The following TMEM178B variants were observed in gnomAD, a reference collection of about 807,000 sequenced individuals.
TMEM178B encodes transmembrane protein 178B.
A neutral mutation model predicts 31.0 loss-of-function variants in TMEM178B; 5 were observed. That is an observed-to-expected ratio of 0.16 (90% confidence interval 0.08 to 0.34). The LOEUF (loss-of-function observed/expected upper bound fraction) is 0.34, where lower values mean the gene tolerates loss of function less well. TMEM178B is among the 10% of genes least tolerant of loss of function. The pLI is 1.00. For missense variants in TMEM178B, 275 were observed against 400.3 expected (o/e 0.69, Z 2.67); for synonymous variants, 164 against 164.0 (o/e 1.00, Z 0.00).
chr7:141,465,884 A>G (rs1802140809), intron 3 of TMEM178B, among the ~76,000 whole-genome samples: 1 of 152,094 alleles, frequency 6.6e-6, no homozygotes, highest in South Asian at 2.1e-4. Flanking sequence ...TTAGCTGGGC[A>G]TGGTGGCATG....
chr7:141,082,450 A>G (rs1278614156), intron 1 of TMEM178B, among the ~76,000 whole-genome samples: 1 of 152,258 alleles, frequency 6.6e-6, no homozygotes, highest in East Asian at 1.9e-4. Context: ...ACTCACCTTC[A>G]AAGAAACACA....
chr7:141,376,390 G>T (rs1376631947), intron 2 of TMEM178B, among the ~76,000 whole-genome samples: 1 of 152,092 alleles, frequency 6.6e-6, no homozygotes, highest in Admixed American at 6.6e-5. Flanking sequence ...GTTACTTTCT[G>T]GTCTAAAGAG....
intron 1 of TMEM178B, among the ~76,000 whole-genome samples, chr7:141,117,479 G>A (rs1376859369): frequency 1.3e-5 from 2 of 152,110 alleles, no homozygotes; most frequent in African/African-American, 4.8e-5. Context: ...TCTGATGATA[G>A]TTCCTTTTGT....
chr7:141,183,270 C>A (rs533361799), intron 1 of TMEM178B, among the ~76,000 whole-genome samples: 18 of 152,150 alleles, frequency 1.2e-4, no homozygotes, highest in African/African-American at 4.1e-4. Flanking sequence ...TGATCTCTGG[C>A]GGCCTTCACA....
At chr7:141,224,458 G>T (rs1476052622) in intron 2 of TMEM178B, among the ~76,000 whole-genome samples, 1 of 152,188 alleles carries the variant, frequency 6.6e-6, no homozygotes, top group African/African-American at 2.4e-5. Context: ...GGATGCCCCA[G>T]CCATTTTCGG....
chr7:141,329,692 CT>C (rs955648352), intron 2 of TMEM178B, among the ~76,000 whole-genome samples: 2 of 152,180 alleles, frequency 1.3e-5, no homozygotes, highest in African/African-American at 4.8e-5. Flanking sequence ...GAAAATCAAC[CT>C]GTGTTCCAGA....
rs904662141 is a variant in TMEM178B, at chr7:141,344,837, C to T, written c.497-92771C>T. On this transcript the variant is annotated intron_variant, in intron 2 of 3. Transcript: ENST00000565468. This position sits in a 1 kb window ranked among gnomAD's most constrained non-coding sequence, Gnocchi z 4.1. ...AGCTGTCTGTTAACTGTGGCTCTGC[C>T]ACCGGCTGGCTGTGGAAGCTGTGGG... Among the ~76,000 whole-genome samples, 4 of 152,168 alleles carry T rather than the reference C, an allele frequency of 2.6e-5. No individual in the cohort carries two copies. Among genetic ancestry groups the T allele is most frequent in the African/African-American group, 9.7e-5 (4 of 41,436 alleles).
chr7:141,241,348 T>C (rs925811240), intron 2 of TMEM178B, among the ~76,000 whole-genome samples: 5 of 151,906 alleles, frequency 3.3e-5, no homozygotes, highest in Non-Finnish European at 7.4e-5. Context: ...TCCCAGCACT[T>C]TGGGAGGCTG....
At chr7:141,335,572 G>A (rs1799370500) in intron 2 of TMEM178B, among the ~76,000 whole-genome samples, 1 of 152,138 alleles carries the variant, frequency 6.6e-6, no homozygotes, top group Non-Finnish European at 1.5e-5. Flanking sequence ...CTCATGAGAA[G>A]TTTTCATGAG....
chr7:141,166,086 T>C (rs891182771), intron 1 of TMEM178B, among the ~76,000 whole-genome samples: 1 of 152,200 alleles, frequency 6.6e-6, no homozygotes. Context: ...AAAAGCAGGC[T>C]GGATAGTCAA....
At chr7:141,353,660 T>C (rs1238292994) in intron 2 of TMEM178B, among the ~76,000 whole-genome samples, 1 of 152,220 alleles carries the variant, frequency 6.6e-6, no homozygotes, top group East Asian at 1.9e-4. Context: ...ATAAGCCCCA[T>C]TGCTCCTTTC....
chr7:141,190,939 G>C (rs561239994), intron 1 of TMEM178B, among the ~76,000 whole-genome samples: 73 of 152,194 alleles, frequency 4.8e-4, no homozygotes, highest in African/African-American at 1.7e-3. Flanking sequence ...GGTATACTGA[G>C]TCCTCACTTA....
chr7:141,314,134 G>A (rs780215378), intron 2 of TMEM178B, among the ~76,000 whole-genome samples: 23 of 152,178 alleles, frequency 1.5e-4, no homozygotes, highest in Non-Finnish European at 3.2e-4. Context: ...TTCTTTGCTT[G>A]GAAACCCAGG....
At chr7:141,210,131 G>C (rs1231938863) in intron 1 of TMEM178B, among the ~76,000 whole-genome samples, 2 of 152,144 alleles carry the variant, frequency 1.3e-5, no homozygotes, top group African/African-American at 4.8e-5. Context: ...CCTTGGGTGA[G>C]TCATTTAATC....
At chr7:141,206,348 C>T (rs536482627) in intron 1 of TMEM178B, among the ~76,000 whole-genome samples, 33 of 152,202 alleles carry the variant, frequency 2.2e-4, no homozygotes, top group African/African-American at 7.9e-4. Context: ...AGTGGAAGAG[C>T]GAGGGGAGAT....
chr7:141,321,449 G>A (rs1799097202), intron 2 of TMEM178B, among the ~76,000 whole-genome samples: 1 of 152,184 alleles, frequency 6.6e-6, no homozygotes, highest in Non-Finnish European at 1.5e-5. Context: ...TCCAATGAAT[G>A]AAACTAGACT....
intron 1 of TMEM178B, among the ~76,000 whole-genome samples, chr7:141,140,539 A>G (rs749545052): frequency 1.2e-4 from 19 of 152,236 alleles, no homozygotes; most frequent in Admixed American, 1.2e-3. Flanking sequence ...AGCCAATGTT[A>G]TATCAGTATT....
intron 2 of TMEM178B, among the ~76,000 whole-genome samples, chr7:141,387,116 A>G (rs2116597823): frequency 6.6e-6 from 1 of 152,236 alleles, no homozygotes; most frequent in Non-Finnish European, 1.5e-5. Context: ...CAAATCTCAA[A>G]TTTGCATGCA....
chr7:141,422,642 T>C lies in TMEM178B; in HGVS notation c.497-14966T>C, dbSNP rs979381230. On this transcript the variant is annotated intron_variant, in intron 2 of 3. Coordinates refer to ENST00000565468, the MANE Select transcript of TMEM178B (RefSeq NM_001195278.2). The surrounding 1 kb of genome is among the most constrained non-coding windows in gnomAD (Gnocchi z 4.2). ...GGCCACAGCTAGGCACCCTCCCCTG[T>C]GTCCTCTAAATTCTAGAGTACCTGC... 6.6e-6 allele frequency among the ~76,000 whole-genome samples: 1 copy of C among 152,158 alleles called. No homozygotes were observed. The highest frequency in any genetic ancestry group is 2.4e-5 in the African/African-American group (1 of 41,448).
Sources: allele counts gnomAD v4.1 joint callset (sites outside exome capture counted in the v4.1 genomes callset), GRCh38; gene constraint gnomAD v4.1.1; non-coding constraint Gnocchi (gnomAD v3.1); transcripts MANE v1.5; gene names NCBI Gene and HGNC (gene_info 2026-07-23, HGNC 2026-07-21).